Variants in NEMP2 observed in about 807,000 individuals in gnomAD.
NEMP2 encodes the protein nuclear envelope integral membrane protein 2.
A neutral mutation model predicts 54.2 loss-of-function variants in NEMP2; 53 were observed. The observed-to-expected ratio is 0.98, with a 90% CI of 0.78 to 1.23. The LOEUF (loss-of-function observed/expected upper bound fraction) is 1.23, where lower values mean the gene tolerates loss of function less well. Ranked by LOEUF, NEMP2 falls within the 50% of genes most tolerant of loss-of-function variation. The pLI is 0.00. For synonymous variants in NEMP2, 197 were observed against 190.3 expected, an observed-to-expected ratio of 1.04 and a Z score of -0.29; for missense variants, 455 against 511.3, an observed-to-expected ratio of 0.89 and a Z score of 1.06.
chr2:190,487,613 AAAG>A, the NEMP2 span, among the ~76,000 whole-genome samples: 14 of 152,362 alleles, frequency 9.2e-5, no homozygotes, highest in East Asian at 2.5e-3. This position sits in a 1 kb window ranked among gnomAD's most constrained non-coding sequence, Gnocchi z 5.5. Flanking sequence ...ACATTTCTTC[AAAG>A]AAGATATAGA....
chr2:190,496,998 A>C, the NEMP2 span, among the ~76,000 whole-genome samples: 1 of 152,188 alleles, frequency 6.6e-6, no homozygotes, highest in Non-Finnish European at 1.5e-5. This position sits in a 1 kb window ranked among gnomAD's most constrained non-coding sequence, Gnocchi z 4.7. Context: ...AAATCTCACA[A>C]ATCACCATTA....
At chr2:190,587,028 AC>A in the NEMP2 span, among the ~76,000 whole-genome samples, 28 of 152,294 alleles carry the variant, frequency 1.8e-4, no homozygotes, top group African/African-American at 6.5e-4. The surrounding 1 kb of genome is among the most constrained non-coding windows in gnomAD (Gnocchi z 5.4). Context: ...TGTACATCGT[AC>A]ACACAATGAT....
At chr2:190,584,933 AAGAAAGAAAG>A in the NEMP2 span, among the ~76,000 whole-genome samples, 1 of 150,326 alleles carries the variant, frequency 6.7e-6, no homozygotes, top group Middle Eastern at 3.4e-3. The surrounding 1 kb of genome is among the most constrained non-coding windows in gnomAD (Gnocchi z 4.2). Context: ...GAAAGAAAGA[AAGAAAGAAAG>A]AAAGAAAGAA....
chr2:190,585,416 A>G, the NEMP2 span, among the ~76,000 whole-genome samples: 4 of 152,182 alleles, frequency 2.6e-5, no homozygotes, highest in South Asian at 2.1e-4. This position sits in a 1 kb window ranked among gnomAD's most constrained non-coding sequence, Gnocchi z 5.3. Flanking sequence ...ACAGGCCTCT[A>G]TGCAGATAAG....
At chr2:190,434,419 A>G in the NEMP2 span, among the ~76,000 whole-genome samples, 1 of 152,016 alleles carries the variant, frequency 6.6e-6, no homozygotes, top group Admixed American at 6.6e-5. The surrounding 1 kb of genome is among the most constrained non-coding windows in gnomAD (Gnocchi z 4.3). Context: ...TATATGAAAA[A>G]CATTTATTTA....
the NEMP2 span, among the ~76,000 whole-genome samples, chr2:190,431,939 C>A: frequency 6.6e-6 from 1 of 152,110 alleles, no homozygotes; most frequent in African/African-American, 2.4e-5. This position sits in a 1 kb window ranked among gnomAD's most constrained non-coding sequence, Gnocchi z 4.4. Flanking sequence ...GTTGCATAAT[C>A]TTCTCTTATT....
At position 190,504,937 on chromosome 2, in the gene NEMP2, G is replaced by A. The variant is rs962096639; in HGVS notation, c.*4252C>T. 2 of 152,216 alleles carry A rather than the reference G, an allele frequency of 1.3e-5. No homozygotes were observed. The highest frequency in any genetic ancestry group is 1.9e-4 in the East Asian group (1 of 5,180). The allele number at this position is 152,216 out of a possible 1,614,324, so 9.4% of individuals were successfully genotyped here. On this transcript the variant is annotated 3_prime_UTR_variant, in exon 9 of 9. Transcript: ENST00000409150. This position sits in a 1 kb window ranked among gnomAD's most constrained non-coding sequence, Gnocchi z 5.6. ...TTGACATTGTCATGACATGATCATC[G>A]TGCTTATATTCTGTATGTCTTTTCT... is the stretch of plus-strand genomic sequence containing the variant.
the NEMP2 span, among the ~76,000 whole-genome samples, chr2:190,434,723 C>T: frequency 5.9e-5 from 9 of 152,200 alleles, no homozygotes; most frequent in African/African-American, 1.2e-4. The surrounding 1 kb of genome is among the most constrained non-coding windows in gnomAD (Gnocchi z 4.3). Context: ...TGAGCCACCG[C>T]GCCCGGCCAA....
the NEMP2 span, among the ~76,000 whole-genome samples, chr2:190,467,206 A>C: frequency 1.3e-5 from 2 of 152,272 alleles, no homozygotes; most frequent in Admixed American, 1.3e-4. The surrounding 1 kb of genome is among the most constrained non-coding windows in gnomAD (Gnocchi z 5.5). Context: ...GTAAGAGAAC[A>C]ACCTGGGGAA....
the NEMP2 span, among the ~76,000 whole-genome samples, chr2:190,480,051 T>C: frequency 6.6e-6 from 1 of 152,188 alleles, no homozygotes; most frequent in Non-Finnish European, 1.5e-5. Context: ...TGGTCCCAGC[T>C]ACTGGGGAGG....
chr2:190,564,226 G>C, the NEMP2 span, among the ~76,000 whole-genome samples: 1 of 152,160 alleles, frequency 6.6e-6, no homozygotes, highest in Non-Finnish European at 1.5e-5. The surrounding 1 kb of genome is among the most constrained non-coding windows in gnomAD (Gnocchi z 4.2). Flanking sequence ...TACTGAATTT[G>C]TGTTTACTTA....
the NEMP2 span, among the ~76,000 whole-genome samples, chr2:190,639,163 T>A: frequency 7.9e-5 from 12 of 152,240 alleles, no homozygotes; most frequent in Non-Finnish European, 1.6e-4. Flanking sequence ...ATAAAATCAA[T>A]ATTAACACAT....
chr2:190,582,130 A>T, the NEMP2 span, among the ~76,000 whole-genome samples: 2 of 152,164 alleles, frequency 1.3e-5, no homozygotes, highest in Non-Finnish European at 2.9e-5. The surrounding 1 kb of genome is among the most constrained non-coding windows in gnomAD (Gnocchi z 4.6). Flanking sequence ...TTACACAACA[A>T]AAGTTTATTT....
the NEMP2 span, among the ~76,000 whole-genome samples, chr2:190,599,305 A>G: frequency 6.6e-6 from 1 of 152,084 alleles, no homozygotes; most frequent in Admixed American, 6.5e-5. Context: ...TCCTGTCACT[A>G]TTTACTACTT....
chr2:190,484,701 C>T, the NEMP2 span, among the ~76,000 whole-genome samples: 1 of 152,180 alleles, frequency 6.6e-6, no homozygotes, highest in Admixed American at 6.5e-5. Flanking sequence ...CTTTTGTATA[C>T]ACAGATGATG....
At chr2:190,422,989 A>T in the NEMP2 span, among the ~76,000 whole-genome samples, 1 of 152,292 alleles carries the variant, frequency 6.6e-6, no homozygotes, top group South Asian at 2.1e-4. Context: ...AGATAAGAAA[A>T]TACATTATCA....
the NEMP2 span, among the ~76,000 whole-genome samples, chr2:190,451,274 C>T: frequency 2.0e-5 from 3 of 152,116 alleles, no homozygotes; most frequent in African/African-American, 4.8e-5. This position sits in a 1 kb window ranked among gnomAD's most constrained non-coding sequence, Gnocchi z 5.0. Context: ...ATTGGTAAAA[C>T]GGGGCAATAA....
chr2:190,517,649 C>CA, intron 4 of NEMP2, 36 bp from the exon 5 acceptor site: 1 of 1,437,790 alleles, frequency 7.0e-7, no homozygotes, highest in Non-Finnish European at 9.5e-7. Context: ...ATTTAAATGC[C>CA]AAAAAGCACT....
At chr2:190,534,535 C>T (rs764987684) in intron 1 of NEMP2, 24 bp downstream of exon 1, 6 of 1,373,334 alleles carry the variant, frequency 4.4e-6, no homozygotes, top group Middle Eastern at 2.7e-4. Flanking sequence ...CACGCGCGCG[C>T]CGCCGCCGCC....
Sources: gnomAD v4.1 joint callset for allele counts (sites outside exome capture counted in the v4.1 genomes callset) on GRCh38, gnomAD v4.1.1 for gene constraint, Gnocchi (gnomAD v3.1) non-coding constraint, MANE v1.5 for transcripts, NCBI Gene and HGNC (gene_info 2026-07-23, HGNC 2026-07-21) for gene names.